CDYL2: variants seen among roughly 807,000 people sequenced by gnomAD.
The protein encoded by CDYL2 is chromodomain Y like 2, also known as chromodomain Y-like protein 2.
Under a neutral mutation model 49.4 loss-of-function variants are expected in CDYL2, and 23 were observed. The observed-to-expected ratio is 0.47, with a 90% confidence interval of 0.34 to 0.66. The LOEUF (loss-of-function observed/expected upper bound fraction) is 0.66. Ranked by LOEUF, CDYL2 falls within the 30% of genes least tolerant of loss-of-function variation. The pLI is 0.01. For synonymous variants in CDYL2, 360 were observed against 268.8 expected (o/e 1.34, Z -3.32); for missense variants, 678 against 656.4 (o/e 1.03, Z -0.36).
At chr16:80,703,860 G>A (rs1235851870) in intron 1 of CDYL2, among the ~76,000 whole-genome samples, 4 of 152,134 alleles carry the variant, frequency 2.6e-5, no homozygotes, top group East Asian at 1.9e-4. Context: ...GCGGAGCCAC[G>A]TTAGCATCAA....
chr16:80,658,475 G>A (rs1411960083), intron 2 of CDYL2, among the ~76,000 whole-genome samples: 1 of 152,098 alleles, frequency 6.6e-6, no homozygotes, highest in African/African-American at 2.4e-5. Flanking sequence ...GCTTTTCACT[G>A]TGGTAAGAAT....
At chr16:80,780,658 G>T (rs1907234593) in intron 1 of CDYL2, among the ~76,000 whole-genome samples, 1 of 151,978 alleles carries the variant, frequency 6.6e-6, no homozygotes, top group Non-Finnish European at 1.5e-5. Flanking sequence ...ACCTGCTTCG[G>T]CCTCCCAAAG....
At chr16:80,730,199 C>T (rs1053437459) in intron 1 of CDYL2, among the ~76,000 whole-genome samples, 15 of 151,840 alleles carry the variant, frequency 9.9e-5, no homozygotes, top group Admixed American at 3.3e-4. Flanking sequence ...ATTGATAGAC[C>T]GCTAGCAAGA....
intron 1 of CDYL2, among the ~76,000 whole-genome samples, chr16:80,689,711 T>C (rs1910336181): frequency 1.3e-5 from 2 of 152,208 alleles, no homozygotes; most frequent in Admixed American, 6.5e-5. Flanking sequence ...GGATCACTGA[T>C]ACGCGAGGCA....
At chr16:80,797,199 A>T (rs544960489) in intron 1 of CDYL2, among the ~76,000 whole-genome samples, 63 of 152,312 alleles carry the variant, frequency 4.1e-4, no homozygotes, top group African/African-American at 1.3e-3. Flanking sequence ...CTTCAGGCAC[A>T]CACAACTTGC....
At chr16:80,631,574 T>C (rs1418226760) in intron 3 of CDYL2, among the ~76,000 whole-genome samples, 1 of 152,218 alleles carries the variant, frequency 6.6e-6, no homozygotes, top group Non-Finnish European at 1.5e-5. Context: ...ATTTAAAAAT[T>C]TGTTTGTCAT....
intron 1 of CDYL2, among the ~76,000 whole-genome samples, chr16:80,720,272 C>G (rs1451982743): frequency 6.6e-6 from 1 of 152,144 alleles, no homozygotes; most frequent in Non-Finnish European, 1.5e-5. Flanking sequence ...CTGGAAAGCA[C>G]CTATAGTCAT....
At chr16:80,647,674 A>C (rs1351003773) in intron 2 of CDYL2, among the ~76,000 whole-genome samples, 1 of 152,186 alleles carries the variant, frequency 6.6e-6, no homozygotes. Context: ...CTTCATCTGC[A>C]CTATAGGCCA....
intron 2 of CDYL2, among the ~76,000 whole-genome samples, chr16:80,641,027 G>A (rs1450740598): frequency 6.6e-6 from 1 of 152,084 alleles, no homozygotes; most frequent in Non-Finnish European, 1.5e-5. Flanking sequence ...AGATGGGAGT[G>A]GAAAGTTTAT....
chr16:80,686,485 C>T (rs372573324), intron 1 of CDYL2, among the ~76,000 whole-genome samples: 11 of 152,050 alleles, frequency 7.2e-5, no homozygotes, highest in Admixed American at 3.3e-4. Flanking sequence ...AAAATTAAGT[C>T]GAGTCAGGAA....
At chr16:80,738,830 G>C (rs1172440894) in intron 1 of CDYL2, 1 of 152,210 alleles carries the variant, frequency 6.6e-6, no homozygotes, top group African/African-American at 2.4e-5. Context: ...ACTTCGCCAA[G>C]CTTCAGTTTC....
chr16:80,779,481 C>T (rs1016188176), intron 1 of CDYL2, among the ~76,000 whole-genome samples: 5 of 151,886 alleles, frequency 3.3e-5, no homozygotes, highest in African/African-American at 1.2e-4. Context: ...GAAGTCTTTA[C>T]CAAGGGCATA....
chr16:80,677,027 G>A (rs55653646), intron 2 of CDYL2, among the ~76,000 whole-genome samples: 69,048 of 142,494 alleles, frequency 0.48, 18,367 homozygotes, highest in Middle Eastern at 0.65. Context: ...CTGGAGTGCA[G>A]TGGCACAATC....
intron 3 of CDYL2, among the ~76,000 whole-genome samples, chr16:80,630,181 G>C (rs934217884): frequency 9.2e-5 from 14 of 152,318 alleles, no homozygotes; most frequent in South Asian, 8.3e-4. Context: ...TGTTGAGACA[G>C]CTGAAAATAC....
intron 1 of CDYL2, among the ~76,000 whole-genome samples, chr16:80,788,270 A>G (rs1372845391): frequency 2.0e-5 from 3 of 152,200 alleles, no homozygotes; most frequent in African/African-American, 4.8e-5. Flanking sequence ...CCACCATCAC[A>G]ATTACTAAGA....
chr16:80,665,327 C>G (rs1427669430), intron 2 of CDYL2, among the ~76,000 whole-genome samples: 4 of 151,972 alleles, frequency 2.6e-5, no homozygotes, highest in Admixed American at 2.6e-4. Context: ...TCACAGTTCA[C>G]TGGAATATTT....
At chr16:80,610,244 G>A (rs915672392) in intron 5 of CDYL2, among the ~76,000 whole-genome samples, 1 of 152,182 alleles carries the variant, frequency 6.6e-6, no homozygotes, top group Non-Finnish European at 1.5e-5. Context: ...GGATGGAACT[G>A]CAAAGGAAGA....
intron 1 of CDYL2, among the ~76,000 whole-genome samples, chr16:80,710,209 G>T (rs1319590852): frequency 6.6e-6 from 1 of 152,138 alleles, no homozygotes; most frequent in African/African-American, 2.4e-5. Context: ...TTACAGGTGT[G>T]AGCCACCATG....
At position 80,600,122 on chromosome 16, in the gene CDYL2, T is replaced by G. The variant is rs1906016446; in HGVS notation, c.*4266A>C. Reference sequence around the variant, plus strand: ...TTATGTAGTTGCAAAGTTGAAAAATTTACTGATCCTAATGGTAAGGCTTAT... The same window carrying G: ...TTATGTAGTTGCAAAGTTGAAAAATGTACTGATCCTAATGGTAAGGCTTAT... On this transcript the variant is annotated 3_prime_UTR_variant, in exon 7 of 7. Transcript: ENST00000570137. The G allele has an allele frequency of 6.6e-6, 1 of 152,202 alleles. No individual in the cohort carries two copies. The highest frequency in any genetic ancestry group is 1.5e-5 in the Non-Finnish European group (1 of 68,046). The allele number at this position is 152,202 out of a possible 1,614,324, so 9.4% of individuals were successfully genotyped here.
Sources: allele counts gnomAD v4.1 joint callset (sites outside exome capture counted in the v4.1 genomes callset), GRCh38; gene constraint gnomAD v4.1.1; transcripts MANE v1.5; gene names NCBI Gene and HGNC (gene_info 2026-07-23, HGNC 2026-07-21).